OGFOD3: variants seen among roughly 807,000 people sequenced by gnomAD.
OGFOD3 encodes the protein 2-oxoglutarate and iron dependent oxygenase domain containing 3.
In OGFOD3, 35 loss-of-function variants were observed where a neutral mutation model predicts 39.8. The ratio of observed to expected loss-of-function variants is 0.88; its 90% CI spans 0.67 to 1.17. OGFOD3 has a LOEUF of 1.17. Ranked by LOEUF, OGFOD3 falls within the 50% of genes most tolerant of loss-of-function variation. The probability of loss-of-function intolerance (pLI) is 0.00; values close to 1 mark genes in which losing one functional copy is unlikely to be tolerated. For synonymous variants in OGFOD3, 200 were observed against 192.0 expected, an observed-to-expected ratio of 1.04 and a Z score of -0.34; for missense variants, 438 against 454.5, an observed-to-expected ratio of 0.96 and a Z score of 0.33.
rs756501679 is a variant in OGFOD3, at chr17:82,415,473, G to A, written c.229C>T (p.Arg77Cys). 3.7e-6 allele frequency: 6 copies of A among 1,613,788 alleles called. No individual in the cohort carries two copies. The highest frequency in any genetic ancestry group is 4.5e-5 in the East Asian group (2 of 44,898). The change falls in exon 2 of 9, where the codon CGT (arginine) becomes TGT (cysteine). Residue 77 changes from arginine (R) to cysteine (C), a missense_variant. Arg to Cys is a radical substitution (Grantham distance 180). Coordinates refer to ENST00000313056, the MANE Select transcript of OGFOD3 (RefSeq NM_024648.3). This position sits in a 1 kb window ranked among gnomAD's most constrained non-coding sequence, Gnocchi z 5.3. ...AATCTCCCTGCCACGACCTCGCCAC[G>A]GCGGGCCAGGACCTCTGCGACCCCG... ...DDGVAEVLARRGEVVAGRFIE... is the reference protein window; with the variant it reads ...DDGVAEVLARCGEVVAGRFIE...
intron 3 of OGFOD3, among the ~76,000 whole-genome samples, chr17:82,410,987 T>C (rs2052932990): frequency 6.6e-6 from 1 of 151,698 alleles, no homozygotes; most frequent in African/African-American, 2.4e-5. Context: ...CCCCAAGTGC[T>C]AGGATTACAG....
chr17:82,407,885 G>C (rs2052880183), intron 4 of OGFOD3, among the ~76,000 whole-genome samples: 1 of 152,226 alleles, frequency 6.6e-6, no homozygotes. Flanking sequence ...GTTCACACCT[G>C]TAATCCCAGC....
At chr17:82,398,391 CTCTTA>C (rs1356910785) in intron 7 of OGFOD3, 72 bp from the exon 8 acceptor site, 2 of 1,564,254 alleles carry the variant, frequency 1.3e-6, no homozygotes, top group African/African-American at 2.7e-5. Context: ...CTGCTTCTCT[CTCTTA>C]TTTTTTGTTT....
intron 4 of OGFOD3, 54 bp downstream of exon 4, chr17:82,409,314 T>TGA: frequency 6.3e-7 from 1 of 1,580,404 alleles, no homozygotes; most frequent in East Asian, 2.2e-5. Flanking sequence ...CCCATCCAAG[T>TGA]GAGAGCAAAG....
In OGFOD3 at chr17:82,391,848, G is replaced by A. The variant is rs1432949513; in HGVS notation, c.*550C>T. The A allele has an allele frequency of 6.4e-6, 1 of 156,142 alleles. No homozygotes were observed. The highest frequency in any genetic ancestry group is 1.4e-5 in the Non-Finnish European group (1 of 70,542). The allele number at this position is 156,142 out of a possible 1,614,324, so 9.7% of individuals were successfully genotyped here. A position where few individuals can be genotyped will look rare whatever the true frequency, so the allele number is the denominator to read the frequency against. On this transcript the variant is annotated 3_prime_UTR_variant, in exon 9 of 9. Transcript: ENST00000313056. This position sits in a 1 kb window ranked among gnomAD's most constrained non-coding sequence, Gnocchi z 5.1. ...CATTGGGGGTGCACGCAGGGCTGTG[G>A]GAACGGCAGATGTTCACCTCCACCT...
rs1357191691 is a variant in OGFOD3, at chr17:82,410,520, G to A, written c.380+935C>T. Among the ~76,000 whole-genome samples the A allele has an allele frequency of 7.9e-5, 12 of 152,286 alleles. No individual in the cohort carries two copies. In the East Asian group the frequency reaches 1.4e-3, roughly 17 times the overall value. On this transcript the variant is annotated intron_variant, in intron 3 of 8. Transcript: ENST00000313056. ...GCAGTTTCAGAGCAGACACTGAGCG[G>A]TCATTGAGCAGTGTCCCGGAGGCTC... is the stretch of plus-strand genomic sequence containing the variant.
At chr17:82,414,946 C>T (rs561028301) in intron 2 of OGFOD3, among the ~76,000 whole-genome samples, 3 of 152,290 alleles carry the variant, frequency 2.0e-5, no homozygotes, top group Admixed American at 6.5e-5. Context: ...CAGCGCTGCT[C>T]CAGGCTCTGG....
At chr17:82,414,919 C>T (rs1339986816) in intron 2 of OGFOD3, among the ~76,000 whole-genome samples, 4 of 152,136 alleles carry the variant, frequency 2.6e-5, no homozygotes, top group Admixed American at 2.6e-4. Flanking sequence ...GGTGCTGAAC[C>T]CCGGCCCGGC....
intron 7 of OGFOD3, among the ~76,000 whole-genome samples, chr17:82,401,539 T>C (rs1244284164): frequency 1.3e-5 from 2 of 151,784 alleles, no homozygotes; most frequent in African/African-American, 4.8e-5. Flanking sequence ...TGATTACAAC[T>C]GAAACTGCAC....
intron 5 of OGFOD3, among the ~76,000 whole-genome samples, chr17:82,405,945 C>T (rs2052848456): frequency 6.6e-6 from 1 of 152,066 alleles, no homozygotes; most frequent in Non-Finnish European, 1.5e-5. Flanking sequence ...AAGATTCCAT[C>T]TCAAAATAAT....
chr17:82,410,225 A>ACAGCAGTAACCCCACTGGAGCTAGG (rs1303029939), intron 3 of OGFOD3, among the ~76,000 whole-genome samples: 1 of 152,222 alleles, frequency 6.6e-6, no homozygotes, highest in African/African-American at 2.4e-5. Flanking sequence ...CCTCAGTCAG[A>ACAGCAGTAACCCCACTGGAGCTAGG]CAGCAGTAAC....
intron 7 of OGFOD3, among the ~76,000 whole-genome samples, chr17:82,401,812 A>AAAAAAAAAAAAAAAAAAAAAAC (rs2052770024): frequency 2.0e-5 from 3 of 149,344 alleles, no homozygotes; most frequent in African/African-American, 7.4e-5. Flanking sequence ...TCAAAAAAAA[A>AAAAAAAAAAAAAAAAAAAAAAC]AAAAAAAAAA....
intron 8 of OGFOD3, 52 bp downstream of exon 8, chr17:82,398,144 G>A (rs1282231285): frequency 3.7e-6 from 6 of 1,610,150 alleles, no homozygotes; most frequent in East Asian, 2.2e-5. Flanking sequence ...CACACCCACC[G>A]TGCTTGCCTG....
intron 7 of OGFOD3, 86 bp downstream of exon 7, chr17:82,403,851 A>C: frequency 6.8e-7 from 1 of 1,472,450 alleles, no homozygotes; most frequent in South Asian, 1.2e-5. Context: ...GAGCGCGCTC[A>C]CCCTGCCCAC....
At position 82,411,495 on chromosome 17, in the gene OGFOD3, C is replaced by G. The variant is rs2052942161; in HGVS notation, c.340G>C (p.Asp114His). The G allele has an allele frequency of 6.2e-7, 1 of 1,614,026 alleles. No homozygotes were observed. Among genetic ancestry groups the G allele is most frequent in the South Asian group, 1.1e-5 (1 of 91,092 alleles). ...TPRKCGRGVT[D>H]VVITREEAER... ...GCTTCCTCCCTGGTGATGACGACATCGGTGACACCTCTGCCGCACTTTCGG... is the reference window on the plus strand; with the variant it reads ...GCTTCCTCCCTGGTGATGACGACATGGGTGACACCTCTGCCGCACTTTCGG... The change falls in exon 3 of 9, where the codon GAT becomes CAT. Residue 114 changes from aspartate to histidine, a missense_variant. Asp to His is a moderately conservative substitution (Grantham distance 81). Transcript: ENST00000313056.
chr17:82,403,460 C>T (rs2052798161), intron 7 of OGFOD3, among the ~76,000 whole-genome samples: 1 of 152,056 alleles, frequency 6.6e-6, no homozygotes, highest in South Asian at 2.1e-4. Flanking sequence ...GGTGAAACCT[C>T]GTCTCTACTA....
chr17:82,409,618 T>C (rs2052912265), intron 3 of OGFOD3, among the ~76,000 whole-genome samples: 1 of 152,228 alleles, frequency 6.6e-6, no homozygotes, highest in African/African-American at 2.4e-5. Context: ...TTGTCAATAT[T>C]TGACTCAGCT....
chr17:82,404,200 C>A lies in OGFOD3; in HGVS notation c.546-110G>T. 1 of 1,289,346 alleles carries A rather than the reference C, an allele frequency of 7.8e-7. No homozygotes were observed. Among genetic ancestry groups the A allele is most frequent in the South Asian group, 1.5e-5 (1 of 64,636 alleles). 79.9% of individuals were successfully genotyped at this position (1,289,346 alleles called of 1,614,324 possible). On this transcript the variant is annotated intron_variant, in intron 6 of 8. Coordinates refer to ENST00000313056, the MANE Select transcript of OGFOD3 (RefSeq NM_024648.3). The surrounding 1 kb of genome is among the most constrained non-coding windows in gnomAD (Gnocchi z 4.5). Reference sequence around the variant, plus strand: ...ACCAGCCTTCGTACGGCTCCGGGCCCGCGGGGCGGGGGCTCCCAAGCACAC... The same window carrying A: ...ACCAGCCTTCGTACGGCTCCGGGCCAGCGGGGCGGGGGCTCCCAAGCACAC...
Position 82,392,898 on chromosome 17 carries a change from TG to T in OGFOD3, c.824-365del. 1 of 213,132 alleles carries T rather than the reference TG, an allele frequency of 4.7e-6. No individual in the cohort carries two copies. The highest frequency in any genetic ancestry group is 9.3e-6 in the Non-Finnish European group (1 of 107,716). The allele number at this position is 213,132 out of a possible 1,614,324, so 13.2% of individuals were successfully genotyped here. ...TCAGCTCTCATGGGCCTTCCAGATC[TG>T]ACACTTTAGGATCTTATTTCTAATC... On this transcript the variant is annotated intron_variant, in intron 8 of 8. Coordinates refer to ENST00000313056, the MANE Select transcript of OGFOD3 (RefSeq NM_024648.3). The surrounding 1 kb of genome is among the most constrained non-coding windows in gnomAD (Gnocchi z 4.2).
Sources: allele counts gnomAD v4.1 joint callset (sites outside exome capture counted in the v4.1 genomes callset), GRCh38; gene constraint gnomAD v4.1.1; non-coding constraint Gnocchi (gnomAD v3.1); transcripts MANE v1.5; gene names NCBI Gene and HGNC (gene_info 2026-07-23, HGNC 2026-07-21).